The following LIMS1 variants were observed in gnomAD, a reference collection of about 807,000 sequenced individuals.
LIMS1 encodes LIM zinc finger domain containing 1.
Under a neutral mutation model 44.1 loss-of-function variants are expected in LIMS1, and 18 were observed. That is an observed-to-expected ratio of 0.41 (90% CI 0.28 to 0.61). LIMS1 has a LOEUF of 0.61. LIMS1 is among the 20% of genes least tolerant of loss of function. The pLI is 0.32. For synonymous variants in LIMS1, 93 were observed against 149.1 expected (o/e 0.62, Z 2.74); for missense variants, 201 against 422.0 (o/e 0.48, Z 4.59).
At chr2:108,587,725 A>G (rs549525978) in intron 1 of LIMS1, among the ~76,000 whole-genome samples, 25 of 152,318 alleles carry the variant, frequency 1.6e-4, no homozygotes, top group African/African-American at 5.8e-4. Flanking sequence ...AGATCCCTTT[A>G]TTCTCCAGTG....
intron 1 of LIMS1, among the ~76,000 whole-genome samples, chr2:108,603,527 C>CAAT (rs1687124048): frequency 9.1e-6 from 1 of 109,464 alleles, no homozygotes; most frequent in Non-Finnish European, 1.7e-5. Flanking sequence ...CCACTTGAGA[C>CAAT]AGAGTCTTGC....
intron 1 of LIMS1, among the ~76,000 whole-genome samples, chr2:108,638,528 G>C (rs1689435373): frequency 6.6e-6 from 1 of 151,914 alleles, no homozygotes; most frequent in African/African-American, 2.4e-5. Flanking sequence ...CGGATCACCT[G>C]AGGTCAGGAG....
At chr2:108,678,052 T>C (rs780418092) in intron 8 of LIMS1, 25 bp downstream of exon 8, 17 of 1,608,570 alleles carry the variant, frequency 1.1e-5, no homozygotes, top group Admixed American at 1.7e-5. Context: ...GAGTTTTAGA[T>C]TGGTGCCACT....
At chr2:108,616,558 A>T (rs1687944091) in intron 1 of LIMS1, among the ~76,000 whole-genome samples, 2 of 152,160 alleles carry the variant, frequency 1.3e-5, no homozygotes, top group African/African-American at 4.8e-5. Flanking sequence ...GATGTGTCAG[A>T]GGTCCAGGAA....
chr2:108,544,522 G>A (rs535619286), intron 1 of LIMS1, among the ~76,000 whole-genome samples: 2 of 152,136 alleles, frequency 1.3e-5, no homozygotes, highest in Non-Finnish European at 2.9e-5. Context: ...TTGAGGCGAT[G>A]TTTTTGCTCT....
Position 108,543,662 on chromosome 2 carries a change from A to G in LIMS1, c.32+9068A>G, listed in dbSNP as rs1246975586. On this transcript the variant is annotated intron_variant, in intron 1 of 9. Transcript: ENST00000544547. ...ACTGAGGATCCAGAAGAAGGTCTCC[A>G]GCACTCAGACCTTAGTTATAGATTA... Among the ~76,000 whole-genome samples the G allele has an allele frequency of 2.0e-5, 3 of 152,226 alleles. No individual in the cohort carries two copies. The East Asian group carries it at 5.8e-4, about 29-fold the overall frequency.
chr2:108,633,245 T>A (rs1689032041), intron 1 of LIMS1, among the ~76,000 whole-genome samples: 1 of 152,266 alleles, frequency 6.6e-6, no homozygotes, highest in African/African-American at 2.4e-5. Context: ...CAGAGCAGTT[T>A]TATTTCAAAG....
At chr2:108,573,888 C>G (rs74957964) in intron 1 of LIMS1, among the ~76,000 whole-genome samples, 1,917 of 152,244 alleles carry the variant, frequency 0.013, 25 homozygotes, top group Non-Finnish European at 0.016. Flanking sequence ...CTTGGAGCAG[C>G]AGAGGTGAGG....
At chr2:108,589,792 G>A (rs1686290519) in intron 1 of LIMS1, among the ~76,000 whole-genome samples, 1 of 151,682 alleles carries the variant, frequency 6.6e-6, no homozygotes, top group East Asian at 1.9e-4. Context: ...TATCTCGATA[G>A]TTGTTTAGGA....
chr2:108,569,191 G>A (rs1457574412), intron 1 of LIMS1, among the ~76,000 whole-genome samples: 2 of 151,948 alleles, frequency 1.3e-5, no homozygotes, highest in Admixed American at 1.3e-4. Context: ...GCACCTGGCC[G>A]TGTTGTTGTT....
At chr2:108,618,955 C>T (rs1383000476) in intron 1 of LIMS1, among the ~76,000 whole-genome samples, 3 of 151,942 alleles carry the variant, frequency 2.0e-5, no homozygotes, top group Non-Finnish European at 2.9e-5. Context: ...TTTGTCAGTA[C>T]AGCCTTTTTA....
chr2:108,623,907 G>T (rs1422217696), intron 1 of LIMS1, among the ~76,000 whole-genome samples: 1 of 152,232 alleles, frequency 6.6e-6, no homozygotes, highest in Non-Finnish European at 1.5e-5. Context: ...CGAGATGCAC[G>T]TGCTTAAAGA....
At chr2:108,663,770 T>C (rs1691542973) in intron 2 of LIMS1, among the ~76,000 whole-genome samples, 1 of 152,042 alleles carries the variant, frequency 6.6e-6, no homozygotes, top group Non-Finnish European at 1.5e-5. Context: ...TTTATTTTTT[T>C]TGAGACAGAG....
intron 1 of LIMS1, among the ~76,000 whole-genome samples, chr2:108,596,845 G>A (rs1006190178): frequency 6.7e-6 from 1 of 149,976 alleles, no homozygotes; most frequent in African/African-American, 2.5e-5. Context: ...ATAAAAAGGA[G>A]GGGGGCATGT....
chr2:108,620,662 G>A (rs1336880980), intron 1 of LIMS1, among the ~76,000 whole-genome samples: 1 of 152,092 alleles, frequency 6.6e-6, no homozygotes, highest in African/African-American at 2.4e-5. Flanking sequence ...CCTACGAGAG[G>A]GCATTATTCA....
intron 1 of LIMS1, among the ~76,000 whole-genome samples, chr2:108,637,113 G>C (rs1037388241): frequency 6.0e-5 from 9 of 150,258 alleles, no homozygotes; most frequent in African/African-American, 2.2e-4. Flanking sequence ...GTGTGTGTGT[G>C]TGTGTGTGTG....
At chr2:108,577,061 A>G (rs1028974981) in intron 1 of LIMS1, among the ~76,000 whole-genome samples, 2 of 152,226 alleles carry the variant, frequency 1.3e-5, no homozygotes, top group African/African-American at 4.8e-5. Flanking sequence ...AGAAAACAGT[A>G]CGATCTCTCA....
intron 9 of LIMS1, among the ~76,000 whole-genome samples, chr2:108,683,193 T>C (rs1693119215): frequency 6.6e-6 from 1 of 152,198 alleles, no homozygotes; most frequent in African/African-American, 2.4e-5. Flanking sequence ...TAACCCCTTA[T>C]AATTTAAAAT....
At chr2:108,567,552 G>T (rs1175571169) in intron 1 of LIMS1, among the ~76,000 whole-genome samples, 1 of 152,066 alleles carries the variant, frequency 6.6e-6, no homozygotes, top group Non-Finnish European at 1.5e-5. Flanking sequence ...CAATGAAGAT[G>T]CCCTGTTTTC....
Sources: allele counts gnomAD v4.1 joint callset (sites outside exome capture counted in the v4.1 genomes callset), GRCh38; gene constraint gnomAD v4.1.1; transcripts MANE v1.5; gene names NCBI Gene and HGNC (gene_info 2026-07-23, HGNC 2026-07-21).